SCFD2: variants seen among roughly 807,000 people sequenced by gnomAD.
SCFD2 encodes sec1 family domain containing 2.
A neutral mutation model predicts 58.9 loss-of-function variants in SCFD2; 54 were observed. That is an observed-to-expected ratio of 0.92 (90% CI 0.74 to 1.15). The LOEUF (loss-of-function observed/expected upper bound fraction) is 1.15. Ranked by LOEUF, SCFD2 falls within the 50% of genes most tolerant of loss-of-function variation. SCFD2 has a pLI of 0.00. For missense variants in SCFD2, 805 were observed against 836.6 expected, an observed-to-expected ratio of 0.96 and a Z score of 0.47; for synonymous variants, 321 against 335.9, an observed-to-expected ratio of 0.96 and a Z score of 0.49.
At chr4:53,216,524 G>C (rs913389558) in intron 4 of SCFD2, among the ~76,000 whole-genome samples, 11 of 151,986 alleles carry the variant, frequency 7.2e-5, no homozygotes, top group South Asian at 4.2e-4. Context: ...GCATCTATTT[G>C]ATTCTTCTCT....
intron 4 of SCFD2, among the ~76,000 whole-genome samples, chr4:53,176,038 T>C (rs1727317869): frequency 6.6e-6 from 1 of 152,228 alleles, no homozygotes; most frequent in South Asian, 2.1e-4. Flanking sequence ...TTTCTATCTA[T>C]TCAAATGATA....
intron 3 of SCFD2, among the ~76,000 whole-genome samples, chr4:53,298,153 T>C (rs1167891356): frequency 6.6e-6 from 1 of 152,194 alleles, no homozygotes; most frequent in East Asian, 1.9e-4. Context: ...GAGGCATCAC[T>C]TCACCCGGGA....
At chr4:53,160,086 T>C (rs1726808732) in intron 4 of SCFD2, among the ~76,000 whole-genome samples, 1 of 152,168 alleles carries the variant, frequency 6.6e-6, no homozygotes, top group Non-Finnish European at 1.5e-5. Flanking sequence ...AGATCAATGT[T>C]ACAGAAATTG....
chr4:53,266,610 G>C lies in SCFD2; in HGVS notation c.1311+7216C>G, dbSNP rs1730991374. Among the ~76,000 whole-genome samples the C allele has an allele frequency of 5.3e-5, 8 of 152,276 alleles. No individual in the cohort carries two copies. The South Asian group carries it at 1.4e-3, about 28-fold the overall frequency. ...CCATTTCACCAAATTAAATGAATTT[G>C]TACTTTAATTAAAAGGCAAAGCTAC... On this transcript the variant is annotated intron_variant, in intron 4 of 8. Coordinates refer to ENST00000401642, the MANE Select transcript of SCFD2 (RefSeq NM_152540.4).
intron 2 of SCFD2, among the ~76,000 whole-genome samples, chr4:53,338,569 A>ATTTTTT (rs1454636023): frequency 4.1e-4 from 24 of 58,404 alleles, no homozygotes; most frequent in East Asian, 1.6e-3. Context: ...AAAGCAGTAT[A>ATTTTTT]TTTTTCTTTT....
At chr4:53,356,448 C>A (rs1036061183) in intron 1 of SCFD2, among the ~76,000 whole-genome samples, 1 of 152,092 alleles carries the variant, frequency 6.6e-6, no homozygotes, top group African/African-American at 2.4e-5. Flanking sequence ...GAGAGAGAGA[C>A]AAGGTCTTGC....
intron 5 of SCFD2, among the ~76,000 whole-genome samples, chr4:52,965,836 G>T (rs1370593332): frequency 6.6e-6 from 1 of 152,146 alleles, no homozygotes; most frequent in Non-Finnish European, 1.5e-5. Flanking sequence ...TCATGGTTGT[G>T]GTCTCTTTTC....
chr4:53,217,877 G>T (rs972984712), intron 4 of SCFD2, among the ~76,000 whole-genome samples: 20 of 152,198 alleles, frequency 1.3e-4, no homozygotes, highest in African/African-American at 4.1e-4. Flanking sequence ...GTCTGTAAAG[G>T]ATTTTATTTC....
intron 5 of SCFD2, among the ~76,000 whole-genome samples, chr4:53,139,425 GGAAGTGAGGAGTGTCT>G (rs1726051483): frequency 1.5e-5 from 2 of 129,786 alleles, no homozygotes; most frequent in African/African-American, 2.5e-5. Context: ...ATCCTGTCTA[GGAAGTGAGGAGTGTCT>G]CTGCCCCGCC....
intron 2 of SCFD2, among the ~76,000 whole-genome samples, chr4:53,346,856 G>A (rs1236234888): frequency 6.6e-6 from 1 of 152,192 alleles, no homozygotes; most frequent in Admixed American, 6.5e-5. Flanking sequence ...CTAGAAGTGA[G>A]AACCCTACCT....
At chr4:53,249,442 G>A (rs1306997106) in intron 4 of SCFD2, among the ~76,000 whole-genome samples, 1 of 152,144 alleles carries the variant, frequency 6.6e-6, no homozygotes, top group African/African-American at 2.4e-5. Context: ...TTCAGATTCA[G>A]AAAATACATA....
intron 4 of SCFD2, among the ~76,000 whole-genome samples, chr4:53,225,999 G>A (rs1220489197): frequency 6.6e-6 from 1 of 151,852 alleles, no homozygotes; most frequent in African/African-American, 2.4e-5. Flanking sequence ...ATTTGATCTC[G>A]CTGTATTGCC....
In SCFD2 at chr4:53,153,576, C is replaced by T. The variant is rs184235320; in HGVS notation, c.1312-7994G>A. Among the ~76,000 whole-genome samples, 3 of 152,274 alleles carry T rather than the reference C, an allele frequency of 2.0e-5. No homozygotes were observed. In the East Asian group the frequency reaches 5.8e-4, roughly 29 times the overall value. On this transcript the variant is annotated intron_variant, in intron 4 of 8. Transcript: ENST00000401642. The stretch of plus-strand genomic sequence containing the variant: ...GGGGCTGCAAAGGAGATTTCTGATG[C>T]TTTCAAGGCCATTTTCTCATTGTTT...
chr4:53,350,298 AG>A (rs1024166401), intron 2 of SCFD2, among the ~76,000 whole-genome samples: 4 of 152,226 alleles, frequency 2.6e-5, no homozygotes, highest in African/African-American at 9.6e-5. Flanking sequence ...ACAATGGCCA[AG>A]AAAAGTCAGT....
intron 5 of SCFD2, among the ~76,000 whole-genome samples, chr4:52,921,798 CT>C (rs1719743181): frequency 6.6e-6 from 1 of 152,168 alleles, no homozygotes; most frequent in South Asian, 2.1e-4. Flanking sequence ...GTCTGTCTGT[CT>C]GTCTCTCTCT....
At chr4:53,297,445 C>T (rs572945169) in intron 3 of SCFD2, among the ~76,000 whole-genome samples, 1 of 151,856 alleles carries the variant, frequency 6.6e-6, no homozygotes, top group African/African-American at 2.4e-5. Context: ...TTGTGTCAGA[C>T]TAGAATTGCA....
At chr4:53,254,845 ATTTTATTTTATTTTATTTAT>A (rs1430512245) in intron 4 of SCFD2, among the ~76,000 whole-genome samples, 23 of 84,732 alleles carry the variant, frequency 2.7e-4, no homozygotes, top group Admixed American at 1.1e-3. Context: ...ATTTTATTTT[ATTTTATTTTATTTTATTTAT>A]TTTATTTTAT....
At chr4:53,249,912 C>A (rs4458509) in intron 4 of SCFD2, among the ~76,000 whole-genome samples, 149,281 of 152,262 alleles carry the variant, frequency 0.98, 73,261 homozygotes, top group Middle Eastern at 1. Flanking sequence ...AAATAACCAG[C>A]TAACATCATA....
intron 5 of SCFD2, among the ~76,000 whole-genome samples, chr4:52,978,259 C>T (rs979472944): frequency 6.6e-6 from 1 of 152,120 alleles, no homozygotes; most frequent in Non-Finnish European, 1.5e-5. Flanking sequence ...GAAAGTCACT[C>T]CCAGAGCAAG....
Sources: allele counts gnomAD v4.1 joint callset (sites outside exome capture counted in the v4.1 genomes callset), GRCh38; gene constraint gnomAD v4.1.1; transcripts MANE v1.5; gene names NCBI Gene and HGNC (gene_info 2026-07-23, HGNC 2026-07-21).